Variants in CHAT observed in about 807,000 individuals in gnomAD.
CHAT encodes choline O-acetyltransferase.
CHAT carries 61 observed loss-of-function variants against 76.9 expected under a neutral mutation model. That is an observed-to-expected ratio of 0.79 (90% CI 0.65 to 0.98). The LOEUF (loss-of-function observed/expected upper bound fraction) is 0.98. CHAT is among the 50% of genes least tolerant of loss of function. The pLI is 0.00. For missense variants in CHAT, 946 were observed against 986.9 expected (o/e 0.96, Z 0.56); for synonymous variants, 407 against 397.4 (o/e 1.02, Z -0.29).
upstream of CHAT, chr10:49,614,011 G>T (rs762975819): frequency 1.0e-5 from 12 of 1,153,824 alleles, no homozygotes; most frequent in Non-Finnish European, 1.4e-5. Context: ...CTGGAATAAT[G>T]GGGTTGGGGA....
At chr10:49,643,858 GCC>G (rs1839569307) in intron 7 of CHAT, among the ~76,000 whole-genome samples, 1 of 152,188 alleles carries the variant, frequency 6.6e-6, no homozygotes, top group African/African-American at 2.4e-5. Flanking sequence ...TGTTCAGGAG[GCC>G]CAGGCCCCAC....
chr10:49,622,032 G>T, intron 4 of CHAT, 65 bp from the exon 5 acceptor site: 1 of 1,498,192 alleles, frequency 6.7e-7, no homozygotes, highest in Non-Finnish European at 9.3e-7. Context: ...GGAGGCAGAA[G>T]GGAGGGAGGG....
upstream of CHAT, chr10:49,612,710 C>T (rs907889477): frequency 1.7e-5 from 4 of 239,518 alleles, no homozygotes; most frequent in Non-Finnish European, 3.3e-5. Flanking sequence ...TAAACTGTGT[C>T]TGTCCCAGGA....
upstream of CHAT, chr10:49,613,059 G>C (rs990294069): frequency 6.6e-6 from 1 of 152,242 alleles, no homozygotes; most frequent in African/African-American, 2.4e-5. Flanking sequence ...CCCCACACCA[G>C]CCTCAGAGCT....
chr10:49,619,361 T>A (rs1287639741), intron 2 of CHAT, among the ~76,000 whole-genome samples: 1 of 152,198 alleles, frequency 6.6e-6, no homozygotes, highest in Non-Finnish European at 1.5e-5. Flanking sequence ...CTATGAGAGA[T>A]AGGGGTTACT....
In CHAT at chr10:49,667,759, A is replaced by G. The variant is rs1386936444; in HGVS notation, c.*2713A>G. 6.6e-6 allele frequency among the ~76,000 whole-genome samples: 1 copy of G among 152,220 alleles called. No homozygotes were observed. The highest frequency in any genetic ancestry group is 1.5e-5 in the Non-Finnish European group (1 of 68,020). On this transcript the variant is annotated 3_prime_UTR_variant, in exon 15 of 15. Transcript: ENST00000337653. ...TATATAAAGTTAATATTTGAGTTCT[A>G]TTTTTATAAAATAGTTCTAGATTTA... is the stretch of plus-strand genomic sequence containing the variant.
At chr10:49,618,117 A>G (rs7091005) in intron 2 of CHAT, among the ~76,000 whole-genome samples, 138,455 of 152,258 alleles carry the variant, frequency 0.91, 62,992 homozygotes, top group East Asian at 1. Context: ...CAGGAACCAT[A>G]TTGCAGAATT....
chr10:49,612,013 G>A (rs1838311901), upstream of CHAT: 2 of 1,613,566 alleles, frequency 1.2e-6, no homozygotes, highest in African/African-American at 1.3e-5. Context: ...CGCCATCGCC[G>A]ACATCTCCTA....
At chr10:49,624,530 A>T (rs1347092130) in intron 5 of CHAT, among the ~76,000 whole-genome samples, 1 of 152,210 alleles carries the variant, frequency 6.6e-6, no homozygotes, top group African/African-American at 2.4e-5. Context: ...ACTACCTGAC[A>T]GTCTCCTGTT....
chr10:49,637,505 G>C (rs1174384092), intron 7 of CHAT: 1 of 152,168 alleles, frequency 6.6e-6, no homozygotes, highest in Non-Finnish European at 1.5e-5. Flanking sequence ...CAGTCAGTGA[G>C]TTCCCAGGAG....
At chr10:49,611,573 T>C, upstream of CHAT, 1 of 1,607,820 alleles carries the variant, frequency 6.2e-7, no homozygotes, top group Non-Finnish European at 8.5e-7. Context: ...AACCTGCCAG[T>C]GGGCACTCCC....
rs60959867 is a variant in CHAT, at chr10:49,646,761, G to A, written c.1281+87G>A. 5,552 of 1,441,992 alleles carry A rather than the reference G, an allele frequency of 3.9e-3. 175 individuals are homozygous for A. The African/African-American group carries it at 0.065, about 17-fold the overall frequency. 89.3% of individuals were successfully genotyped at this position (1,441,992 alleles called of 1,614,324 possible). A position where few individuals can be genotyped will look rare whatever the true frequency, so the allele number is the denominator to read the frequency against. On this transcript the variant is annotated intron_variant, in intron 8 of 14. Coordinates refer to ENST00000337653, the MANE Select transcript of CHAT (RefSeq NM_020549.5). ...CAAGCGGGCACAGCCTGGTGCCCAG[G>A]CCCGCACGTGCTTGTGTCTGGCAGG...
chr10:49,640,977 A>T (rs1839460550), intron 7 of CHAT, among the ~76,000 whole-genome samples: 1 of 152,228 alleles, frequency 6.6e-6, no homozygotes. Flanking sequence ...TAGAGCTGGC[A>T]TAACAATACC....
upstream of CHAT, chr10:49,611,417 T>C (rs529030582): frequency 1.3e-6 from 2 of 1,597,870 alleles, no homozygotes; most frequent in African/African-American, 1.3e-5. Context: ...TTCGGAAGCC[T>C]AGTGGCCCCG....
rs116626685 is a variant in CHAT at position 49,663,695 on chromosome 10, C to T, written c.1977+913C>T. On this transcript the variant is annotated intron_variant, in intron 14 of 14. Coordinates refer to ENST00000337653, the MANE Select transcript of CHAT (RefSeq NM_020549.5). ...ATTTACTAAAATGCCACCTCATCTG[C>T]GAAAGGCTGGATGGGCAGTACTGGA... is the stretch of plus-strand genomic sequence containing the variant. Among the ~76,000 whole-genome samples, 505 of 152,262 alleles carry T rather than the reference C, an allele frequency of 3.3e-3. 2 individuals are homozygous for T. Among genetic ancestry groups the T allele is most frequent in the African/African-American group, 0.011 (463 of 41,536 alleles).
chr10:49,666,963 C>T lies in CHAT; in HGVS notation c.*1917C>T, dbSNP rs926699543. 3.3e-5 allele frequency among the ~76,000 whole-genome samples: 5 copies of T among 152,154 alleles called. No individual in the cohort carries two copies. Among genetic ancestry groups the T allele is most frequent in the South Asian group, 2.1e-4 (1 of 4,832 alleles). ...GTTCCTTTCCCTCCATGGATTTCTG[C>T]GCAGACATAGAGCTCCAGCTATGGG... is the stretch of plus-strand genomic sequence containing the variant. On this transcript the variant is annotated 3_prime_UTR_variant, in exon 15 of 15. Transcript: ENST00000337653.
chr10:49,643,525 T>C (rs559330629), intron 7 of CHAT, among the ~76,000 whole-genome samples: 21 of 152,260 alleles, frequency 1.4e-4, no homozygotes, highest in African/African-American at 5.1e-4. Context: ...GCACAGCACA[T>C]AGTGCAGGGC....
chr10:49,647,794 TC>T (rs1839727091), intron 8 of CHAT: 1 of 55,420 alleles, frequency 1.8e-5, no homozygotes, highest in African/African-American at 4.2e-5. Flanking sequence ...CTTCCTTCCT[TC>T]CTTCCTTCCT....
At chr10:49,635,570 C>A (rs1278399356) in intron 7 of CHAT, among the ~76,000 whole-genome samples, 1 of 152,150 alleles carries the variant, frequency 6.6e-6, no homozygotes, top group African/African-American at 2.4e-5. Flanking sequence ...AATCCAGTTT[C>A]TATGCATCTT....
Sources: gnomAD v4.1 joint callset for allele counts (sites outside exome capture counted in the v4.1 genomes callset) on GRCh38, gnomAD v4.1.1 for gene constraint, MANE v1.5 for transcripts, NCBI Gene and HGNC (gene_info 2026-07-23, HGNC 2026-07-21) for gene names.